Variants in HTR2C observed in about 807,000 individuals in gnomAD.
HTR2C encodes the protein 5-hydroxytryptamine (serotonin) receptor 2C, G protein-coupled.
In HTR2C, 5 loss-of-function variants were observed where a neutral mutation model predicts 21.0. The ratio of observed to expected loss-of-function variants is 0.24; its 90% CI spans 0.12 to 0.50. HTR2C has a LOEUF of 0.50. Among genes scored for constraint, HTR2C ranks in the 20% least tolerant of loss-of-function variants. The probability of loss-of-function intolerance (pLI) is 0.98; values close to 1 mark genes in which losing one functional copy is unlikely to be tolerated. For synonymous variants in HTR2C, 150 were observed against 145.3 expected, an observed-to-expected ratio of 1.03 and a Z score of -0.23; for missense variants, 271 against 371.2, an observed-to-expected ratio of 0.73 and a Z score of 2.22.
intron 4 of HTR2C, among the ~76,000 whole-genome samples, chrX:114,801,663 T>TA (rs2070347599): frequency 9.0e-6 from 1 of 111,222 alleles, no homozygotes; most frequent in South Asian, 3.8e-4. Flanking sequence ...ATTCAGTCTT[T>TA]AAAAAATATT....
At chrX:114,589,158 G>A (rs1556390457) in intron 1 of HTR2C, among the ~76,000 whole-genome samples, 1 of 112,143 alleles carries the variant, frequency 8.9e-6, no homozygotes, top group Non-Finnish European at 1.9e-5. Context: ...AAATTTGCAT[G>A]TAAATGTGAG....
At chrX:114,876,922 G>A (rs1304025482) in intron 5 of HTR2C, among the ~76,000 whole-genome samples, 4 of 110,875 alleles carry the variant, frequency 3.6e-5, no homozygotes, top group Non-Finnish European at 7.6e-5. Flanking sequence ...TTGTTTTGTT[G>A]TTATCTGGCT....
intron 2 of HTR2C, among the ~76,000 whole-genome samples, chrX:114,633,947 T>TATATATATAGAGAG (rs201763901): frequency 6.3e-4 from 58 of 92,179 alleles, no homozygotes; most frequent in East Asian, 4.4e-3. Flanking sequence ...TATATATATA[T>TATATATATAGAGAG]AGAGAGAGAG....
chrX:114,884,541 A>T (rs1556480672), intron 5 of HTR2C, among the ~76,000 whole-genome samples: 1 of 111,411 alleles, frequency 9.0e-6, no homozygotes, highest in Non-Finnish European at 1.9e-5. Context: ...TGGCCGGCAC[A>T]TATAAAAAAA....
chrX:114,799,451 A>G, intron 4 of HTR2C, among the ~76,000 whole-genome samples: 1 of 109,446 alleles, frequency 9.1e-6, no homozygotes, highest in East Asian at 2.9e-4. Flanking sequence ...TCCAAAGGTC[A>G]CTCGAAATCC....
intron 4 of HTR2C, among the ~76,000 whole-genome samples, chrX:114,773,404 G>A (rs1286184233): frequency 5.0e-4 from 56 of 112,143 alleles, no homozygotes; most frequent in East Asian, 8.4e-4. Flanking sequence ...GCAAAATAGC[G>A]TATTGTGATT....
intron 4 of HTR2C, among the ~76,000 whole-genome samples, chrX:114,790,671 C>T (rs940128013): frequency 9.0e-6 from 1 of 111,540 alleles, no homozygotes; most frequent in African/African-American, 3.2e-5. Context: ...AGAGGCATAG[C>T]GTAGAAAATG....
intron 2 of HTR2C, among the ~76,000 whole-genome samples, chrX:114,659,105 C>T (rs369240681): frequency 3.0e-4 from 33 of 110,452 alleles, no homozygotes; most frequent in Non-Finnish European, 2.6e-4. Context: ...AAGTGCAGAG[C>T]GAAAAGGGGA....
At chrX:114,882,450 C>T (rs2071189095) in intron 5 of HTR2C, among the ~76,000 whole-genome samples, 2 of 110,837 alleles carry the variant, frequency 1.8e-5, no homozygotes, top group Admixed American at 1.9e-4. Context: ...TTGAGTCTTT[C>T]ATCATTAAGA....
intron 5 of HTR2C, among the ~76,000 whole-genome samples, chrX:114,905,786 G>A (rs2071367654): frequency 9.0e-6 from 1 of 111,707 alleles, no homozygotes; most frequent in South Asian, 3.8e-4. Flanking sequence ...TCAGGCACAA[G>A]ATCACCTTCT....
intron 5 of HTR2C, among the ~76,000 whole-genome samples, chrX:114,881,272 T>C (rs782183002): frequency 6.3e-5 from 7 of 111,157 alleles, no homozygotes; most frequent in African/African-American, 2.3e-4. Context: ...CACATAATGA[T>C]TTGAAATTAT....
chrX:114,864,067 CT>C (rs35791750), intron 5 of HTR2C, among the ~76,000 whole-genome samples: 8,677 of 102,808 alleles, frequency 0.084, 924 homozygotes, highest in African/African-American at 0.29. Flanking sequence ...ATAGTTGGCT[CT>C]TTTTTTTTTT....
chrX:114,617,465 A>G (rs1282880787), intron 2 of HTR2C, among the ~76,000 whole-genome samples: 3 of 112,330 alleles, frequency 2.7e-5, no homozygotes, highest in African/African-American at 9.7e-5. Flanking sequence ...AAAGAAAAAC[A>G]GAAATACAGA....
intron 2 of HTR2C, among the ~76,000 whole-genome samples, chrX:114,621,971 G>C (rs1396394825): frequency 8.9e-6 from 1 of 111,852 alleles, no homozygotes; most frequent in Non-Finnish European, 1.9e-5. Flanking sequence ...AGAAAGTATA[G>C]AAATGACTGA....
At chrX:114,665,460 C>G (rs781981237) in intron 2 of HTR2C, among the ~76,000 whole-genome samples, 6 of 111,321 alleles carry the variant, frequency 5.4e-5, no homozygotes, top group African/African-American at 1.6e-4. Context: ...GGTAATGAAC[C>G]CTGTGCAGTT....
At chrX:114,724,949 T>C (rs782527338) in intron 2 of HTR2C, among the ~76,000 whole-genome samples, 87 of 110,288 alleles carry the variant, frequency 7.9e-4, no homozygotes, top group African/African-American at 2.7e-3. Flanking sequence ...GCCTTTAACA[T>C]TTTTTCCTTC....
At chrX:114,804,184 G>A (rs1346575362) in intron 4 of HTR2C, among the ~76,000 whole-genome samples, 1 of 111,616 alleles carries the variant, frequency 9.0e-6, no homozygotes, top group African/African-American at 3.3e-5. Flanking sequence ...TGTGGAGGTG[G>A]TTACACCTAA....
intron 4 of HTR2C, among the ~76,000 whole-genome samples, chrX:114,759,763 C>A (rs2069847945): frequency 9.0e-6 from 1 of 111,077 alleles, no homozygotes; most frequent in South Asian, 3.8e-4. Context: ...CTCTCTGGTA[C>A]CTTGCTTGCT....
chrX:114,775,878 A>G, intron 4 of HTR2C: 1 of 378,006 alleles, frequency 2.6e-6, no homozygotes, highest in South Asian at 3.7e-5. Context: ...AGTTCTTTAA[A>G]TTGGGCACAG....
Sources: gnomAD v4.1 joint callset for allele counts (sites outside exome capture counted in the v4.1 genomes callset) on GRCh38, gnomAD v4.1.1 for gene constraint, MANE v1.5 for transcripts, NCBI Gene and HGNC (gene_info 2026-07-23, HGNC 2026-07-21) for gene names.